The following AXDND1 variants were observed in gnomAD, a reference collection of about 807,000 sequenced individuals.
AXDND1 encodes axonemal dynein light chain domain-containing protein 1.
In AXDND1, 110 loss-of-function variants were observed where a neutral mutation model predicts 137.5. That is an observed-to-expected ratio of 0.80 (90% CI 0.69 to 0.94). AXDND1 has a LOEUF of 0.94. Among genes scored for constraint, AXDND1 ranks in the 40% least tolerant of loss-of-function variants. The pLI is 0.00. For missense variants in AXDND1, 1,191 were observed against 1,169.8 expected, an observed-to-expected ratio of 1.02 and a Z score of -0.26; for synonymous variants, 414 against 399.7, an observed-to-expected ratio of 1.04 and a Z score of -0.43.
chr1:179,491,341 AAAG>A (rs1477205741), intron 18 of AXDND1, among the ~76,000 whole-genome samples, 194 bp from the exon 19 acceptor site: 1 of 152,098 alleles, frequency 6.6e-6, no homozygotes, highest in Non-Finnish European at 1.5e-5. Context: ...ATATCAATAA[AAAG>A]AAGAGAGTAG....
In AXDND1 at chr1:179,483,205, T is replaced by G. The variant is rs775634713; in HGVS notation, c.2075T>G (p.Ile692Ser). ...KIGNEINNGN[I>S]ELQHHMDELH... ...GGCAATGAAATTAACAACGGTAACA[T>G]TGAACTTCAGCACCACGTATGTACT... The change falls in exon 18 of 26, where the codon ATT (isoleucine) becomes AGT (serine). Residue 692 changes from isoleucine to serine, a missense_variant. By Grantham distance (142) the Ile-to-Ser change is moderately radical (BLOSUM62 -2). Transcript: ENST00000367618. 1 of 1,609,094 alleles carries G rather than the reference T, an allele frequency of 6.2e-7. No homozygotes were observed. The highest frequency in any genetic ancestry group is 1.1e-5 in the South Asian group (1 of 90,238).
At chr1:179,409,847 TATG>T (rs1653584791) in intron 11 of AXDND1, among the ~76,000 whole-genome samples, 1 of 152,040 alleles carries the variant, frequency 6.6e-6, no homozygotes, top group African/African-American at 2.4e-5. Context: ...ACAAAAATAA[TATG>T]ATGATGTTTA....
chr1:179,383,167 T>TA (rs1355174184), intron 7 of AXDND1, among the ~76,000 whole-genome samples: 1 of 152,130 alleles, frequency 6.6e-6, no homozygotes, highest in Non-Finnish European at 1.5e-5. Context: ...TCTATGTTCT[T>TA]ACACTGCTAT....
chr1:179,502,008 A>G (rs1668047769), intron 20 of AXDND1, among the ~76,000 whole-genome samples: 1 of 152,214 alleles, frequency 6.6e-6, no homozygotes, highest in African/African-American at 2.4e-5. Context: ...CCATTAAAAC[A>G]AAAACAATCC....
intron 21 of AXDND1, among the ~76,000 whole-genome samples, chr1:179,524,664 C>T (rs962967014): frequency 1.3e-5 from 2 of 152,196 alleles, no homozygotes; most frequent in South Asian, 2.1e-4. Context: ...CAGTCAATCA[C>T]TAGGACTTGC....
intron 15 of AXDND1, among the ~76,000 whole-genome samples, chr1:179,437,192 G>C (rs975638951): frequency 6.6e-6 from 1 of 152,054 alleles, no homozygotes; most frequent in African/African-American, 2.4e-5. Context: ...AGACAAAAGA[G>C]TATATTTGGA....
intron 25 of AXDND1, chr1:179,551,486 C>A: frequency 1.2e-6 from 2 of 1,611,552 alleles, no homozygotes; most frequent in South Asian, 2.2e-5. Flanking sequence ...AGTGATTGTT[C>A]TTCATTCCCT....
At chr1:179,448,264 T>C in intron 16 of AXDND1, 1 of 782,936 alleles carries the variant, frequency 1.3e-6, no homozygotes, top group Non-Finnish European at 2.4e-6. Flanking sequence ...AGAAGAACTT[T>C]GTCCATATCA....
At chr1:179,445,676 A>G (rs966901112) in intron 16 of AXDND1, among the ~76,000 whole-genome samples, 23 of 152,142 alleles carry the variant, frequency 1.5e-4, no homozygotes, top group African/African-American at 2.2e-4. Flanking sequence ...TGTTTTAGCA[A>G]TTATCAGTAC....
At chr1:179,518,159 C>G (rs1391881446) in intron 21 of AXDND1, among the ~76,000 whole-genome samples, 1 of 152,266 alleles carries the variant, frequency 6.6e-6, no homozygotes, top group East Asian at 1.9e-4. Context: ...TATGTCTCCT[C>G]GTAGCTTTAG....
intron 25 of AXDND1, among the ~76,000 whole-genome samples, chr1:179,535,572 C>T (rs1572200787): frequency 6.6e-6 from 1 of 152,146 alleles, no homozygotes; most frequent in South Asian, 2.1e-4. Context: ...TTTATGGCTG[C>T]ATAGTATTCC....
intron 16 of AXDND1, chr1:179,454,284 G>C (rs1282201190): frequency 2.0e-5 from 3 of 152,414 alleles, no homozygotes; most frequent in Non-Finnish European, 4.4e-5. Flanking sequence ...TTTTATAATG[G>C]GGTGTTTCCC....
rs755430354 is a variant in AXDND1 at position 179,491,493 on chromosome 1, A to T, written c.2092-45A>T. ...AATTTGGTGTGATTTTTACTGTTTG[A>T]TTTATTTAAAGTGGGTCATTTGTAT... is the stretch of plus-strand genomic sequence containing the variant. On this transcript the variant is annotated intron_variant, in intron 18 of 25. Transcript: ENST00000367618. 35 of 1,312,210 alleles carry T rather than the reference A, an allele frequency of 2.7e-5. No individual in the cohort carries two copies. The Admixed American group carries it at 6.6e-4, about 25-fold the overall frequency. The allele number at this position is 1,312,210 out of a possible 1,614,324, so 81.3% of individuals were successfully genotyped here. A position where few individuals can be genotyped will look rare whatever the true frequency, so the allele number is the denominator to read the frequency against.
intron 11 of AXDND1, among the ~76,000 whole-genome samples, chr1:179,402,810 T>C (rs1004856359): frequency 6.6e-6 from 1 of 152,234 alleles, no homozygotes; most frequent in Admixed American, 6.5e-5. Flanking sequence ...GTTTCTTCTC[T>C]TGCCATTATC....
intron 12 of AXDND1, among the ~76,000 whole-genome samples, chr1:179,428,492 T>C (rs184744354): frequency 1.3e-5 from 2 of 152,378 alleles, no homozygotes; most frequent in Admixed American, 1.3e-4. Flanking sequence ...AGTTGATTTC[T>C]TATATTAGTG....
At chr1:179,468,293 C>G in intron 16 of AXDND1, 150 bp from the exon 17 acceptor site, 1 of 557,840 alleles carries the variant, frequency 1.8e-6, no homozygotes, top group Admixed American at 3.4e-5. Context: ...TTAGGAACTG[C>G]TTTTTGTAAG....
chr1:179,504,138 T>C (rs72704449), intron 20 of AXDND1, among the ~76,000 whole-genome samples: 5,230 of 152,324 alleles, frequency 0.034, 115 homozygotes, highest in South Asian at 0.068. Context: ...ACTATAGGTA[T>C]ATATCACTTC....
chr1:179,427,290 T>C (rs1484588890), intron 12 of AXDND1, among the ~76,000 whole-genome samples: 1 of 152,222 alleles, frequency 6.6e-6, no homozygotes, highest in Non-Finnish European at 1.5e-5. Context: ...GTTAGTTGAA[T>C]GTTAGGGTTG....
chr1:179,522,051 G>T (rs529768747), intron 21 of AXDND1, among the ~76,000 whole-genome samples: 296 of 152,040 alleles, frequency 1.9e-3, no homozygotes, highest in Non-Finnish European at 1.9e-3. Context: ...TGTTAGATCT[G>T]GAAAATTCTC....
Sources: gnomAD v4.1 joint callset for allele counts (sites outside exome capture counted in the v4.1 genomes callset) on GRCh38, gnomAD v4.1.1 for gene constraint, MANE v1.5 for transcripts, NCBI Gene and HGNC (gene_info 2026-07-23, HGNC 2026-07-21) for gene names.